Variants in PARP8 observed in about 807,000 individuals in gnomAD.
PARP8 encodes the protein poly(ADP-ribose) polymerase family member 8, also known as protein mono-ADP-ribosyltransferase PARP8.
Under a neutral mutation model 124.1 loss-of-function variants are expected in PARP8, and 51 were observed. The ratio of observed to expected loss-of-function variants is 0.41; its 90% CI spans 0.33 to 0.52. The LOEUF (loss-of-function observed/expected upper bound fraction) is 0.52. PARP8 is among the 20% of genes least tolerant of loss of function. The pLI is 0.21. For synonymous variants in PARP8, 391 were observed against 361.5 expected (o/e 1.08, Z -0.93); for missense variants, 860 against 1,018.9 (o/e 0.84, Z 2.12).
chr5:50,831,405 C>T (rs1746970034), intron 22 of PARP8, among the ~76,000 whole-genome samples: 1 of 152,150 alleles, frequency 6.6e-6, no homozygotes, highest in South Asian at 2.1e-4. Flanking sequence ...CAGCCTGACT[C>T]ATATTCAAGA....
intron 14 of PARP8, among the ~76,000 whole-genome samples, chr5:50,803,318 T>G (rs1743445745): frequency 6.6e-6 from 1 of 152,194 alleles, no homozygotes; most frequent in Admixed American, 6.5e-5. Flanking sequence ...CTCTTTAAAT[T>G]TATCCTATTT....
At chr5:50,735,966 CCT>C (rs1491063690) in intron 2 of PARP8, among the ~76,000 whole-genome samples, 1 of 150,116 alleles carries the variant, frequency 6.7e-6, no homozygotes, top group Admixed American at 6.7e-5. Flanking sequence ...TCCCCCCCCC[CCT>C]TTTATTAGTG....
At chr5:50,703,892 C>CT (rs959900148) in intron 2 of PARP8, among the ~76,000 whole-genome samples, 50 of 145,314 alleles carry the variant, frequency 3.4e-4, no homozygotes, top group South Asian at 8.8e-4. Context: ...AAATGAGACC[C>CT]TTTTTTTTTT....
intron 22 of PARP8, among the ~76,000 whole-genome samples, chr5:50,830,304 C>A (rs1746805998): frequency 1.3e-5 from 2 of 152,098 alleles, no homozygotes; most frequent in African/African-American, 4.8e-5. Context: ...AATTCTATAT[C>A]ATGCTAATTT....
intron 2 of PARP8, among the ~76,000 whole-genome samples, chr5:50,714,529 GC>G (rs1755103988): frequency 6.6e-6 from 1 of 152,000 alleles, no homozygotes; most frequent in Non-Finnish European, 1.5e-5. Context: ...TAGGTTTTAA[GC>G]CCCGCATGCA....
chr5:50,731,280 T>C (rs910167962), intron 2 of PARP8, among the ~76,000 whole-genome samples: 1 of 152,218 alleles, frequency 6.6e-6, no homozygotes, highest in African/African-American at 2.4e-5. Context: ...CTTTGGCCTT[T>C]AGAGAGTGAA....
intron 2 of PARP8, among the ~76,000 whole-genome samples, chr5:50,725,052 G>T (rs1323866372): frequency 4.0e-5 from 6 of 148,316 alleles, no homozygotes; most frequent in African/African-American, 1.5e-4. Context: ...TAGTGGCTGA[G>T]TAGTATTCCA....
intron 14 of PARP8, among the ~76,000 whole-genome samples, chr5:50,798,588 T>C (rs1394427398): frequency 6.6e-6 from 1 of 151,772 alleles, no homozygotes; most frequent in Non-Finnish European, 1.5e-5. Context: ...GCCCGGCTGA[T>C]TTTTTGTATT....
chr5:50,822,507 G>A lies in PARP8; in HGVS notation c.1860+107G>A, dbSNP rs1420044423. Reference sequence around the variant, plus strand: ...TATAATACATATCATTTAAAAATTTGTGCGGTATTAAGATGTTTTAATTAA... The same window carrying A: ...TATAATACATATCATTTAAAAATTTATGCGGTATTAAGATGTTTTAATTAA... On this transcript the variant is annotated intron_variant, in intron 17 of 25. Transcript: ENST00000281631. The A allele has an allele frequency of 8.2e-6, 7 of 854,016 alleles. No individual in the cohort carries two copies. In the South Asian group the frequency reaches 9.7e-5, roughly 12 times the overall value. 52.9% of individuals were successfully genotyped at this position (854,016 alleles called of 1,614,324 possible).
At position 50,844,045 on chromosome 5, in the gene PARP8, G is replaced by T. The variant is rs572113485; in HGVS notation, c.*1977G>T. 11 of 151,816 alleles carry T rather than the reference G, an allele frequency of 7.2e-5. No homozygotes were observed. In the East Asian group the frequency reaches 2.1e-3, roughly 30 times the overall value. The allele number at this position is 151,816 out of a possible 1,614,324, so 9.4% of individuals were successfully genotyped here. A position where few individuals can be genotyped will look rare whatever the true frequency, so the allele number is the denominator to read the frequency against. On this transcript the variant is annotated 3_prime_UTR_variant, in exon 26 of 26. Transcript: ENST00000281631. ...TTATGGCTTTACTTAACATTGGAGT[G>T]ATCCGTAAAGAATATAGTATTGGAG...
intron 14 of PARP8, among the ~76,000 whole-genome samples, chr5:50,800,001 G>T (rs1580383277): frequency 6.6e-6 from 1 of 152,156 alleles, no homozygotes. Flanking sequence ...CCAGCCTATG[G>T]TATTCGATTA....
At chr5:50,724,254 AATTAT>A (rs1459636091) in intron 2 of PARP8, among the ~76,000 whole-genome samples, 1 of 152,168 alleles carries the variant, frequency 6.6e-6, no homozygotes, top group African/African-American at 2.4e-5. Flanking sequence ...AGCTCAGTGA[AATTAT>A]ATTATATATG....
chr5:50,728,016 C>T (rs1403347374), intron 2 of PARP8, among the ~76,000 whole-genome samples: 1 of 152,134 alleles, frequency 6.6e-6, no homozygotes, highest in Non-Finnish European at 1.5e-5. Context: ...TAATCATTTA[C>T]TTCATAATTG....
At chr5:50,799,243 T>C (rs113549513) in intron 14 of PARP8, among the ~76,000 whole-genome samples, 4 of 152,358 alleles carry the variant, frequency 2.6e-5, no homozygotes, top group African/African-American at 9.6e-5. Context: ...AATTTTTGTA[T>C]ATGGTGTTAG....
intron 9 of PARP8, among the ~76,000 whole-genome samples, chr5:50,782,759 A>G (rs1740812651): frequency 1.3e-5 from 2 of 152,144 alleles, no homozygotes; most frequent in Admixed American, 1.3e-4. Context: ...TTGATACTAC[A>G]TCAGTTAGAA....
chr5:50,677,397 T>C (rs2149440413), intron 2 of PARP8, among the ~76,000 whole-genome samples: 1 of 152,304 alleles, frequency 6.6e-6, no homozygotes, highest in South Asian at 2.1e-4. Context: ...AAATGATTTC[T>C]GTAGTTAACA....
intron 14 of PARP8, among the ~76,000 whole-genome samples, chr5:50,808,616 A>C (rs1744116468): frequency 6.6e-6 from 1 of 151,988 alleles, no homozygotes. Context: ...AACCTGTCTC[A>C]TGGGTGAGGC....
At chr5:50,785,939 T>G (rs1340528878) in intron 9 of PARP8, among the ~76,000 whole-genome samples, 2 of 152,142 alleles carry the variant, frequency 1.3e-5, no homozygotes, top group Admixed American at 6.5e-5. Flanking sequence ...CTCTGTTCGC[T>G]TTCACCTAAT....
chr5:50,770,186 AT>A (rs1388910891), intron 7 of PARP8, among the ~76,000 whole-genome samples: 1 of 151,946 alleles, frequency 6.6e-6, no homozygotes, highest in Non-Finnish European at 1.5e-5. Context: ...CTATTTCCTT[AT>A]TATTCTATAT....
Sources: allele counts gnomAD v4.1 joint callset (sites outside exome capture counted in the v4.1 genomes callset), GRCh38; gene constraint gnomAD v4.1.1; transcripts MANE v1.5; gene names NCBI Gene and HGNC (gene_info 2026-07-23, HGNC 2026-07-21).